Variants in GPHN observed in about 807,000 individuals in gnomAD.
GPHN encodes the protein gephyrin.
In GPHN, 17 loss-of-function variants were observed where a neutral mutation model predicts 95.5. The observed-to-expected ratio is 0.18, with a 90% CI of 0.12 to 0.27. The LOEUF is 0.27. Ranked by LOEUF, GPHN falls within the 10% of genes least tolerant of loss-of-function variation. The pLI is 1.00. For synonymous variants in GPHN, 320 were observed against 322.5 expected (o/e 0.99, Z 0.08); for missense variants, 660 against 978.1 (o/e 0.67, Z 4.34).
the GPHN span, among the ~76,000 whole-genome samples, chr14:67,618,793 G>A: frequency 1.9e-4 from 29 of 152,290 alleles, no homozygotes; most frequent in African/African-American, 6.7e-4. Context: ...AGACATCATT[G>A]TTAAACCAGC....
the GPHN span, among the ~76,000 whole-genome samples, chr14:67,375,895 T>C: frequency 7.2e-5 from 11 of 152,218 alleles, no homozygotes; most frequent in African/African-American, 2.7e-4. Flanking sequence ...ATAGATCTTA[T>C]TGAGATGTTA....
At chr14:67,117,891 A>G (rs779763505) in intron 16 of GPHN, among the ~76,000 whole-genome samples, 8 of 152,148 alleles carry the variant, frequency 5.3e-5, no homozygotes, top group Non-Finnish European at 1.0e-4. Flanking sequence ...AAGAGACCTC[A>G]CTGAAATACA....
intron 13 of GPHN, among the ~76,000 whole-genome samples, chr14:67,101,226 G>T (rs1285096966): frequency 6.6e-6 from 1 of 151,834 alleles, no homozygotes; most frequent in East Asian, 1.9e-4. Context: ...CAATTTCTAG[G>T]TAGTCTTCTC....
the GPHN span, chr14:67,652,641 C>G: frequency 6.6e-6 from 1 of 152,224 alleles, no homozygotes; most frequent in Non-Finnish European, 1.5e-5. Flanking sequence ...CCCAAGAACC[C>G]TGACAACTCC....
chr14:67,087,768 T>C (rs978837628), intron 11 of GPHN, among the ~76,000 whole-genome samples: 2 of 152,188 alleles, frequency 1.3e-5, no homozygotes, highest in Admixed American at 1.3e-4. Context: ...ACAGACTCAC[T>C]TATCCAGCTC....
At chr14:67,570,635 A>C in the GPHN span, 22 of 152,448 alleles carry the variant, frequency 1.4e-4, no homozygotes, top group African/African-American at 4.8e-4. Flanking sequence ...CTGTGTGCAC[A>C]CAAAAGGTGC....
At chr14:67,705,198 A>G in the GPHN span, among the ~76,000 whole-genome samples, 1 of 152,240 alleles carries the variant, frequency 6.6e-6, no homozygotes, top group Non-Finnish European at 1.5e-5. Flanking sequence ...GAAGGGATGG[A>G]GACTCTTCAT....
intron 3 of GPHN, among the ~76,000 whole-genome samples, chr14:66,804,138 C>T (rs376179945): frequency 6.6e-6 from 1 of 152,136 alleles, no homozygotes; most frequent in South Asian, 2.1e-4. Flanking sequence ...AACATTCCTC[C>T]TTCTTCTGTA....
chr14:66,588,727 A>C (rs1324362239), intron 1 of GPHN, among the ~76,000 whole-genome samples: 2 of 152,162 alleles, frequency 1.3e-5, no homozygotes, highest in Non-Finnish European at 2.9e-5. Context: ...GAAATATGGG[A>C]CTATGTGAAA....
intron 8 of GPHN, among the ~76,000 whole-genome samples, chr14:66,948,864 G>A (rs1432653388): frequency 6.6e-6 from 1 of 152,120 alleles, no homozygotes; most frequent in African/African-American, 2.4e-5. Context: ...GAGTGCAACA[G>A]CACAGTCACT....
chr14:66,909,671 T>C (rs2065570437), intron 5 of GPHN, among the ~76,000 whole-genome samples: 1 of 151,978 alleles, frequency 6.6e-6, no homozygotes, highest in African/African-American at 2.4e-5. Context: ...TTCCTTAATT[T>C]GACAAAGCAA....
chr14:67,306,342 C>CTTTTGTT, the GPHN span, among the ~76,000 whole-genome samples: 1 of 151,684 alleles, frequency 6.6e-6, no homozygotes, highest in African/African-American at 2.4e-5. Context: ...CTTCTTTTCT[C>CTTTTGTT]TTTTGTTTTT....
rs941825849 is a variant in GPHN, at chr14:66,621,861, G to A, written c.65-59246G>A. On this transcript the variant is annotated intron_variant, in intron 1 of 22. Transcript: ENST00000478722. ...TCTGCAGGATACAGCCTCCATCCCA[G>A]CTGCTTTCATTGGCTAGTAGTGACT... Among the ~76,000 whole-genome samples, 8 of 152,154 alleles carry A rather than the reference G, an allele frequency of 5.3e-5. No homozygotes were observed. The East Asian group carries it at 1.5e-3, about 29-fold the overall frequency.
chr14:67,298,461 G>A, the GPHN span, among the ~76,000 whole-genome samples: 2 of 150,868 alleles, frequency 1.3e-5, no homozygotes, highest in Non-Finnish European at 2.9e-5. Context: ...GTTGCAGTGA[G>A]CCAAGATCAT....
At chr14:66,723,074 A>G (rs8010920) in intron 2 of GPHN, among the ~76,000 whole-genome samples, 47,027 of 151,640 alleles carry the variant, frequency 0.31, 11,070 homozygotes, top group African/African-American at 0.63. Context: ...TGTGTGTGTG[A>G]CAGGGTCTCA....
the GPHN span, among the ~76,000 whole-genome samples, chr14:67,388,748 C>T: frequency 6.6e-6 from 1 of 152,126 alleles, no homozygotes; most frequent in South Asian, 2.1e-4. Context: ...GGCACGATCT[C>T]GGCTCACTGC....
At chr14:66,639,410 G>A (rs2064274486) in intron 1 of GPHN, among the ~76,000 whole-genome samples, 1 of 152,162 alleles carries the variant, frequency 6.6e-6, no homozygotes, top group Non-Finnish European at 1.5e-5. Context: ...ATATGTACAA[G>A]ATGGATGTGT....
the GPHN span, among the ~76,000 whole-genome samples, chr14:67,352,298 C>T: frequency 6.6e-6 from 1 of 151,598 alleles, no homozygotes; most frequent in African/African-American, 2.4e-5. Flanking sequence ...AGTGAGACCT[C>T]GTCTCTACTA....
At chr14:67,202,968 A>C in the GPHN span, 2 of 1,028,858 alleles carry the variant, frequency 1.9e-6, no homozygotes, top group Non-Finnish European at 2.8e-6. Context: ...GAGCAAGTGA[A>C]GGAACAAATA....
Sources: allele counts gnomAD v4.1 joint callset (sites outside exome capture counted in the v4.1 genomes callset), GRCh38; gene constraint gnomAD v4.1.1; transcripts MANE v1.5; gene names NCBI Gene and HGNC (gene_info 2026-07-23, HGNC 2026-07-21).